Variants in PDE4B observed in about 807,000 individuals in gnomAD.
PDE4B encodes 3',5'-cyclic-AMP phosphodiesterase 4B.
PDE4B carries 20 observed loss-of-function variants against 82.2 expected under a neutral mutation model. The observed-to-expected ratio is 0.24, with a 90% CI of 0.17 to 0.35. The LOEUF (loss-of-function observed/expected upper bound fraction) is 0.35, where lower values mean the gene tolerates loss of function less well. PDE4B is among the 10% of genes least tolerant of loss of function. PDE4B has a pLI of 1.00. For missense variants in PDE4B, 655 were observed against 907.2 expected (o/e 0.72, Z 3.57); for synonymous variants, 320 against 318.9 (o/e 1.00, Z -0.04).
intron 3 of PDE4B, among the ~76,000 whole-genome samples, chr1:66,037,706 GA>G (rs1654142392): frequency 1.3e-5 from 2 of 152,034 alleles, no homozygotes; most frequent in South Asian, 4.1e-4. Flanking sequence ...GATCTTAAAG[GA>G]AAAGTCTTCA....
chr1:66,157,980 G>T (rs1270403183), intron 3 of PDE4B, among the ~76,000 whole-genome samples: 1 of 152,130 alleles, frequency 6.6e-6, no homozygotes, highest in East Asian at 1.9e-4. Flanking sequence ...GGAGATACAT[G>T]ATATTAGAGC....
chr1:65,876,450 A>G (rs1288835625), intron 1 of PDE4B, among the ~76,000 whole-genome samples: 3 of 152,248 alleles, frequency 2.0e-5, no homozygotes, highest in African/African-American at 4.8e-5. Flanking sequence ...ACATACATAC[A>G]TATGTGTATG....
chr1:65,921,321 T>C (rs1647243651), intron 3 of PDE4B, among the ~76,000 whole-genome samples: 1 of 152,136 alleles, frequency 6.6e-6, no homozygotes, highest in African/African-American at 2.4e-5. Context: ...GGAATACTGA[T>C]AGCTGAAGAC....
chr1:65,913,382 G>A (rs752366336), intron 2 of PDE4B, 26 bp downstream of exon 2: 1 of 1,610,104 alleles, frequency 6.2e-7, no homozygotes, highest in Non-Finnish European at 8.5e-7. Flanking sequence ...TCCCAATCAT[G>A]TTTGGTCTGT....
chr1:65,818,685 CATAT>C (rs58193032), intron 1 of PDE4B, among the ~76,000 whole-genome samples: 2 of 143,764 alleles, frequency 1.4e-5, no homozygotes, highest in South Asian at 2.2e-4. Flanking sequence ...CACACACACA[CATAT>C]ATATATATAT....
chr1:66,021,094 G>T (rs1653080041), intron 3 of PDE4B, among the ~76,000 whole-genome samples: 1 of 152,104 alleles, frequency 6.6e-6, no homozygotes, highest in Non-Finnish European at 1.5e-5. Flanking sequence ...TCATGTGTCT[G>T]TTGGCTGCAT....
At chr1:66,114,240 C>T (rs779127144) in intron 3 of PDE4B, among the ~76,000 whole-genome samples, 1 of 152,168 alleles carries the variant, frequency 6.6e-6, no homozygotes, top group Non-Finnish European at 1.5e-5. Context: ...ACTTCACAAC[C>T]TCCAGAACCC....
intron 3 of PDE4B, chr1:66,152,588 A>ATG (rs565977541): frequency 0.01 from 2,146 of 213,632 alleles, 15 homozygotes; most frequent in African/African-American, 0.024. Context: ...GTGCATATAT[A>ATG]TGTGTGTGTG....
intron 1 of PDE4B, among the ~76,000 whole-genome samples, chr1:65,801,557 T>C (rs1388960571): frequency 2.6e-5 from 4 of 152,226 alleles, no homozygotes; most frequent in Non-Finnish European, 5.9e-5. Flanking sequence ...GGATAATTTG[T>C]ATAATTTTCA....
chr1:66,253,558 G>A (rs1653953339), intron 4 of PDE4B, among the ~76,000 whole-genome samples: 1 of 152,186 alleles, frequency 6.6e-6, no homozygotes, highest in Non-Finnish European at 1.5e-5. Flanking sequence ...CTCCTGAGAG[G>A]CATTGCCTTC....
intron 9 of PDE4B, among the ~76,000 whole-genome samples, chr1:66,359,893 A>C (rs1436367959): frequency 6.6e-6 from 1 of 152,208 alleles, no homozygotes; most frequent in Non-Finnish European, 1.5e-5. Context: ...CCTGGGTTCT[A>C]TGCTACTAAA....
At chr1:65,924,608 G>C (rs936071088) in intron 3 of PDE4B, among the ~76,000 whole-genome samples, 4 of 152,176 alleles carry the variant, frequency 2.6e-5, no homozygotes, top group African/African-American at 9.7e-5. Flanking sequence ...CAGGAATCCA[G>C]CTGTGGCTTA....
At chr1:66,187,669 C>T (rs1342666669) in intron 3 of PDE4B, among the ~76,000 whole-genome samples, 1 of 152,134 alleles carries the variant, frequency 6.6e-6, no homozygotes, top group Non-Finnish European at 1.5e-5. Context: ...TCTGTGGGAT[C>T]TGTGGTGATA....
At chr1:66,011,521 AATGGTAAATTTT>A (rs1171801851) in intron 3 of PDE4B, among the ~76,000 whole-genome samples, 1 of 152,138 alleles carries the variant, frequency 6.6e-6, no homozygotes, top group Non-Finnish European at 1.5e-5. Context: ...AGAGTATCAC[AATGGTAAATTTT>A]ATTTGTAGGG....
At chr1:66,137,772 T>G (rs779281885) in intron 3 of PDE4B, among the ~76,000 whole-genome samples, 3 of 152,204 alleles carry the variant, frequency 2.0e-5, no homozygotes, top group Non-Finnish European at 4.4e-5. Flanking sequence ...GTTGTAAATT[T>G]ATATATTCTT....
chr1:66,013,894 T>C (rs1481744168), intron 3 of PDE4B, among the ~76,000 whole-genome samples: 1 of 152,150 alleles, frequency 6.6e-6, no homozygotes, highest in Non-Finnish European at 1.5e-5. Context: ...GACTGTATCA[T>C]TTGACATTCC....
chr1:66,335,758 T>C (rs1296461265), intron 8 of PDE4B, among the ~76,000 whole-genome samples: 1 of 152,244 alleles, frequency 6.6e-6, no homozygotes, highest in Non-Finnish European at 1.5e-5. Flanking sequence ...AATGGTATTG[T>C]TATTTAAGAT....
At chr1:66,261,480 C>G (rs545668258) in intron 6 of PDE4B, among the ~76,000 whole-genome samples, 162 of 152,308 alleles carry the variant, frequency 1.1e-3, no homozygotes, top group Non-Finnish European at 2.0e-3. Context: ...ATCCAGGGTG[C>G]CACTCCCTGC....
chr1:65,972,601 G>A (rs1167674770), intron 3 of PDE4B, among the ~76,000 whole-genome samples: 1 of 152,110 alleles, frequency 6.6e-6, no homozygotes, highest in African/African-American at 2.4e-5. Context: ...GGTAAGTGTG[G>A]AATTGGATGA....
Sources: gnomAD v4.1 joint callset for allele counts (sites outside exome capture counted in the v4.1 genomes callset) on GRCh38, gnomAD v4.1.1 for gene constraint, MANE v1.5 for transcripts, NCBI Gene and HGNC (gene_info 2026-07-23, HGNC 2026-07-21) for gene names.